DHX40: variants seen among roughly 807,000 people sequenced by gnomAD.
DHX40 encodes probable ATP-dependent RNA helicase DHX40.
In DHX40, 28 loss-of-function variants were observed where a neutral mutation model predicts 89.6. The ratio of observed to expected loss-of-function variants is 0.31; its 90% CI spans 0.23 to 0.43. The LOEUF is 0.43. Among genes scored for constraint, DHX40 ranks in the 20% least tolerant of loss-of-function variants. The pLI is 1.00. For synonymous variants in DHX40, 226 were observed against 283.6 expected, an observed-to-expected ratio of 0.80 and a Z score of 2.04; for missense variants, 457 against 844.0, an observed-to-expected ratio of 0.54 and a Z score of 5.68.
chr17:59,569,283 G>A (rs2143195920), intron 2 of DHX40, among the ~76,000 whole-genome samples: 1 of 151,898 alleles, frequency 6.6e-6, no homozygotes, highest in East Asian at 1.9e-4. Context: ...AGCCGAGATT[G>A]TGCCACTGCA....
chr17:59,585,929 G>A (rs1282325222), intron 10 of DHX40, among the ~76,000 whole-genome samples: 2 of 151,346 alleles, frequency 1.3e-5, no homozygotes, highest in African/African-American at 2.4e-5. Context: ...TCAGCTAAGG[G>A]GAGTCAAAAA....
chr17:59,565,766 T>C lies in DHX40; in HGVS notation c.95T>C (p.Val32Ala), dbSNP rs1440164378. 3 of 1,602,918 alleles carry C rather than the reference T, an allele frequency of 1.9e-6. No homozygotes were observed. Among genetic ancestry groups the C allele is most frequent in the Non-Finnish European group, 2.5e-6 (3 of 1,178,344 alleles). The stretch of plus-strand genomic sequence containing the variant: ...CTCCAGGAAGAGCGGCTCTCGGCTG[T>C]TTGCATCGCCGATAGAGGTGCGGTC... Reference protein sequence around the residue: ...RDLQEERLSAVCIADREEKGC... With the variant: ...RDLQEERLSAACIADREEKGC... Residue 32 changes from valine to alanine, a missense_variant, in exon 1 of 18, where the codon GTT (valine) becomes GCT (alanine). By Grantham distance (64) the Val-to-Ala change is moderately conservative. Around this residue, in one of 9 missense-constraint regions of DHX40, gnomAD observed 75 missense variants for 76.8 expected, o/e 0.98. Transcript: ENST00000251241.
At chr17:59,585,790 C>G (rs1439725845) in intron 10 of DHX40, among the ~76,000 whole-genome samples, 3 of 132,802 alleles carry the variant, frequency 2.3e-5, no homozygotes, top group Non-Finnish European at 3.0e-5. Flanking sequence ...TATTTCTCTA[C>G]TATTAATATT....
intron 10 of DHX40, among the ~76,000 whole-genome samples, chr17:59,583,262 T>C (rs1167554588): frequency 3.7e-4 from 4 of 10,948 alleles, no homozygotes; most frequent in African/African-American, 5.8e-4. Context: ...AATTGCTTAG[T>C]GTAGACTAGA....
intron 17 of DHX40, 91 bp from the exon 18 acceptor site, chr17:59,606,942 C>T (rs933266543): frequency 4.8e-5 from 58 of 1,207,774 alleles, no homozygotes; most frequent in Non-Finnish European, 6.8e-5. Flanking sequence ...ACTTTGTTAA[C>T]ACTGAAAAAT....
intron 2 of DHX40, among the ~76,000 whole-genome samples, 173 bp downstream of exon 2, chr17:59,566,967 C>T (rs571551269): frequency 1.3e-5 from 2 of 152,084 alleles, no homozygotes; most frequent in African/African-American, 2.4e-5. Context: ...ATTTCAGGTT[C>T]AAGAATTAGT....
At chr17:59,566,929 CTA>C (rs2048713696) in intron 2 of DHX40, 135 bp downstream of exon 2, 1 of 708,414 alleles carries the variant, frequency 1.4e-6, no homozygotes, top group Admixed American at 4.0e-5. Context: ...CCCCCTTCCC[CTA>C]TGTCTCCTTT....
rs1207852902 is a variant in DHX40 at position 59,581,857 on chromosome 17, G to C, written c.1343+1978G>C. On this transcript the variant is annotated intron_variant, in intron 10 of 17. Transcript: ENST00000251241. ...AAAGCCAATTTGCCAATTTCAAAAT[G>C]TTTTGATAGTTATCATTAGATTAGA... Among the ~76,000 whole-genome samples, 27 of 122,942 alleles carry C rather than the reference G, an allele frequency of 2.2e-4. 8 individuals carry two copies. The highest frequency in any genetic ancestry group is 8.9e-4 in the Admixed American group (11 of 12,396). 80.7% of individuals were successfully genotyped at this position (122,942 alleles called of 152,430 possible).
intron 7 of DHX40, among the ~76,000 whole-genome samples, chr17:59,576,691 G>A (rs961310982): frequency 1.3e-5 from 2 of 152,020 alleles, no homozygotes; most frequent in African/African-American, 4.8e-5. Context: ...TCAAGATTTG[G>A]TTCACCGATG....
At chr17:59,575,042 A>G (rs2048861736) in intron 6 of DHX40, among the ~76,000 whole-genome samples, 1 of 151,580 alleles carries the variant, frequency 6.6e-6, no homozygotes, top group Non-Finnish European at 1.5e-5. Flanking sequence ...TAGCACCTGG[A>G]CTAGCTTTTC....
chr17:59,585,432 G>A (rs886110346), intron 10 of DHX40, among the ~76,000 whole-genome samples: 2 of 148,630 alleles, frequency 1.3e-5, no homozygotes, highest in Admixed American at 1.3e-4. Context: ...TATTTAAGAA[G>A]CATTTTGAGG....
At chr17:59,568,011 G>T (rs2048732569) in intron 2 of DHX40, among the ~76,000 whole-genome samples, 1 of 152,034 alleles carries the variant, frequency 6.6e-6, no homozygotes, top group Non-Finnish European at 1.5e-5. Context: ...AGGGCAGGTG[G>T]ATCATGAGGT....
At chr17:59,569,037 T>C (rs1217903134) in intron 2 of DHX40, among the ~76,000 whole-genome samples, 1 of 151,958 alleles carries the variant, frequency 6.6e-6, no homozygotes, top group Non-Finnish European at 1.5e-5. Context: ...CATATTTAAG[T>C]CCAGTTTTAG....
chr17:59,605,737 C>A, intron 17 of DHX40, 63 bp downstream of exon 17: 1 of 1,460,096 alleles, frequency 6.8e-7, no homozygotes, highest in Non-Finnish European at 9.4e-7. Flanking sequence ...TAGTACTTCA[C>A]TATTTTTGTT....
chr17:59,595,265 T>A (rs2029958677), intron 12 of DHX40, among the ~76,000 whole-genome samples: 1 of 151,754 alleles, frequency 6.6e-6, no homozygotes, highest in Non-Finnish European at 1.5e-5. Context: ...GTATTTTTAG[T>A]AGAGATGGGG....
In DHX40 at chr17:59,577,268, C is replaced by A. The variant is rs371749406; in HGVS notation, c.976C>A (p.Gln326Lys). 9.3e-6 allele frequency: 15 copies of A among 1,612,254 alleles called. No individual in the cohort carries two copies. In the South Asian group the frequency reaches 1.3e-4, roughly 14 times the overall value. Residue 326 changes from glutamine (Q) to lysine (K), a missense_variant and splice_region_variant, in exon 8 of 18, where the codon CAA (glutamine) becomes AAA (lysine). Physicochemically the swap from Gln to Lys is moderately conservative, Grantham distance 53. Transcript: ENST00000251241. ...LPCYGSMTTD[Q>K]QRRIFLPPPP... The stretch of plus-strand genomic sequence containing the variant: ...TTTTCTTTTTATATATACTTCAGAT[C>A]AACAGAGGAGGATATTTTTGCCACC...
intron 2 of DHX40, among the ~76,000 whole-genome samples, chr17:59,568,232 A>T (rs558328857): frequency 6.6e-6 from 1 of 152,300 alleles, no homozygotes; most frequent in South Asian, 2.1e-4. Context: ...TGTGTCAAAA[A>T]AAATAAATAA....
At position 59,573,935 on chromosome 17, in the gene DHX40, C is replaced by G. The variant is rs1178628984; in HGVS notation, c.742C>G (p.Arg248Gly). 1.9e-6 allele frequency: 3 copies of G among 1,582,722 alleles called. No homozygotes were observed. The highest frequency in any genetic ancestry group is 2.6e-6 in the Non-Finnish European group (3 of 1,160,628). Residue 248 changes from arginine (R) to glycine (G), a missense_variant, in exon 5 of 18, where the codon CGA becomes GGA. Transcript: ENST00000251241. ...GAAATTCTGCAATTTGATTGGTCCA[C>G]GAGACAGAGAAAATACTGCGTATAT... ...REKFCNLIGPRDRENTAYIQA... is the reference protein window; with the variant it reads ...REKFCNLIGPGDRENTAYIQA...
At chr17:59,604,902 CT>C (rs1434418374) in intron 15 of DHX40, 14 of 530,900 alleles carry the variant, frequency 2.6e-5, no homozygotes, top group Admixed American at 6.2e-5. Context: ...ATTGTAGTGA[CT>C]TATACCTAAT....
Sources: allele counts gnomAD v4.1 joint callset (sites outside exome capture counted in the v4.1 genomes callset), GRCh38; gene constraint gnomAD v4.1.1; regional missense constraint gnomAD v4.1.1; transcripts MANE v1.5; gene names NCBI Gene and HGNC (gene_info 2026-07-23, HGNC 2026-07-21).